ADCY8: variants seen among roughly 807,000 people sequenced by gnomAD.
ADCY8 encodes the protein adenylate cyclase 8.
ADCY8 carries 51 observed loss-of-function variants against 119.7 expected under a neutral mutation model. That is an observed-to-expected ratio of 0.43 (90% CI 0.34 to 0.54). The LOEUF (loss-of-function observed/expected upper bound fraction) is 0.54, where lower values mean the gene tolerates loss of function less well. ADCY8 is among the 20% of genes least tolerant of loss of function. ADCY8 has a pLI of 0.03. For missense variants in ADCY8, 1,383 were observed against 1,598.8 expected, an observed-to-expected ratio of 0.87 and a Z score of 2.30; for synonymous variants, 665 against 651.0, an observed-to-expected ratio of 1.02 and a Z score of -0.33.
At chr8:130,904,865 G>A (rs561411947) in intron 6 of ADCY8, among the ~76,000 whole-genome samples, 2 of 152,234 alleles carry the variant, frequency 1.3e-5, no homozygotes, top group East Asian at 3.9e-4. Flanking sequence ...TTCTGTCCTC[G>A]TAACTGTCTA....
At position 131,029,159 on chromosome 8, in the gene ADCY8, C is replaced by T. The variant is rs541049361; in HGVS notation, c.960+10215G>A. Among the ~76,000 whole-genome samples, 24 of 152,004 alleles carry T rather than the reference C, an allele frequency of 1.6e-4. No individual in the cohort carries two copies. In the South Asian group the frequency reaches 3.3e-3, roughly 21 times the overall value. ...CAAACCCTATTGTGAACTGCACATG[C>T]GCGAGATCTAGACTGCAAGCTCCTT... On this transcript the variant is annotated intron_variant, in intron 1 of 17. Transcript: ENST00000286355.
chr8:130,938,232 T>C (rs563681341), intron 4 of ADCY8, among the ~76,000 whole-genome samples: 4 of 152,244 alleles, frequency 2.6e-5, no homozygotes, highest in South Asian at 2.1e-4. Context: ...GGGATAATCA[T>C]AGGGCCTGTC....
chr8:131,017,379 A>G (rs773377391), intron 1 of ADCY8, among the ~76,000 whole-genome samples: 6 of 152,182 alleles, frequency 3.9e-5, no homozygotes, highest in African/African-American at 7.2e-5. Context: ...TGGAATGTCC[A>G]TGATTCTAAA....
intron 1 of ADCY8, among the ~76,000 whole-genome samples, chr8:130,995,810 G>T (rs1020677243): frequency 6.6e-6 from 1 of 152,106 alleles, no homozygotes; most frequent in Non-Finnish European, 1.5e-5. Context: ...ATCACAAATT[G>T]TAATTATATA....
rs183815255 is a variant in ADCY8, at chr8:130,785,307, G to A, written c.3153+76C>T. The A allele has an allele frequency of 8.1e-5, 79 of 977,778 alleles. No homozygotes were observed. In the African/African-American group the frequency reaches 1.2e-3, roughly 15 times the overall value. The allele number at this position is 977,778 out of a possible 1,614,324, so 60.6% of individuals were successfully genotyped here. A position where few individuals can be genotyped will look rare whatever the true frequency, so the allele number is the denominator to read the frequency against. ...TTTCCCCAAGGATCTTGGTGACAGA[G>A]GCTTCACCACCGTCGGTGACATGAC... On this transcript the variant is annotated intron_variant, in intron 16 of 17. Coordinates refer to ENST00000286355, the MANE Select transcript of ADCY8 (RefSeq NM_001115.3).
intron 1 of ADCY8, among the ~76,000 whole-genome samples, chr8:131,008,488 A>G (rs529763384): frequency 6.6e-6 from 1 of 152,124 alleles, no homozygotes; most frequent in South Asian, 2.1e-4. Flanking sequence ...AGTGCCTTAC[A>G]CTATAATTGT....
chr8:130,965,783 G>A (rs567700461), intron 2 of ADCY8, among the ~76,000 whole-genome samples: 1 of 152,058 alleles, frequency 6.6e-6, no homozygotes, highest in Non-Finnish European at 1.5e-5. Flanking sequence ...TTATGTTTAA[G>A]TTACAAATAA....
rs1817452853 is a variant in ADCY8, at chr8:130,849,693, G to A, written c.2321C>T (p.Thr774Ile). ...ATAGGTCTCATTAATCCAACAGCAAGTTTTCCGGAGGATGAGGGGCAAACA... is the reference window on the plus strand; with the variant it reads ...ATAGGTCTCATTAATCCAACAGCAAATTTTCCGGAGGATGAGGGGCAAACA... ...YKCLPLILRK[T>I]CCWINETYLA... The change falls in exon 10 of 18, where the codon ACT becomes ATT. Residue 774 changes from threonine to isoleucine, a missense_variant. Thr to Ile is a moderately conservative substitution (Grantham distance 89). Around this residue, in one of 2 missense-constraint regions of ADCY8, gnomAD observed 928 missense variants for 1,163.5 expected, o/e 0.80. Coordinates refer to ENST00000286355, the MANE Select transcript of ADCY8 (RefSeq NM_001115.3). 1 of 1,614,046 alleles carries A rather than the reference G, an allele frequency of 6.2e-7. No homozygotes were observed. The highest frequency in any genetic ancestry group is 8.5e-7 in the Non-Finnish European group (1 of 1,179,926).
Position 131,040,303 on chromosome 8 carries a change from CTGTAAG to C in ADCY8, c.25_30del (p.Leu9_Thr10del), listed in dbSNP as rs1455171676. On this transcript the variant is annotated inframe_deletion, in exon 1 of 18. Coordinates refer to ENST00000286355, the MANE Select transcript of ADCY8 (RefSeq NM_001115.3). The stretch of plus-strand genomic sequence containing the variant: ...TGGATGGTGTAGAGTTCCTCGCTGC[CTGTAAG>C]GCAGCGCACATCGGAGAGCTCCATG... 6.5e-7 allele frequency: 1 copy of C among 1,544,644 alleles called. No homozygotes were observed. The highest frequency in any genetic ancestry group is 2.2e-4 in the Middle Eastern group (1 of 4,456).
intron 17 of ADCY8, among the ~76,000 whole-genome samples, chr8:130,782,579 G>A (rs1815119110): frequency 6.6e-6 from 1 of 152,196 alleles, no homozygotes. Context: ...AACATCTTCA[G>A]AATTTACTTA....
At position 130,800,420 on chromosome 8, in the gene ADCY8, A is replaced by G. The variant is rs1815738524; in HGVS notation, c.3060+6T>C. 6.2e-7 allele frequency: 1 copy of G among 1,614,030 alleles called. No homozygotes were observed. Among genetic ancestry groups the G allele is most frequent in the South Asian group, 1.1e-5 (1 of 91,086 alleles). On this transcript the variant is annotated splice_donor_region_variant and intron_variant, in intron 15 of 17. Coordinates refer to ENST00000286355, the MANE Select transcript of ADCY8 (RefSeq NM_001115.3). ...GTGATTGTAAATGTCTCAGGCTTAG[A>G]TTTACCTCATCGAAGTCAGCAATGA...
intron 4 of ADCY8, among the ~76,000 whole-genome samples, chr8:130,938,257 T>A (rs117301478): frequency 0.021 from 3,273 of 152,250 alleles, 74 homozygotes; most frequent in South Asian, 0.079. Context: ...TGTGCCACTA[T>A]GAGGGTTAAG....
intron 14 of ADCY8, among the ~76,000 whole-genome samples, chr8:130,811,659 C>A (rs1301543339): frequency 6.6e-6 from 1 of 152,204 alleles, no homozygotes; most frequent in Non-Finnish European, 1.5e-5. Flanking sequence ...AGCAAGGGAG[C>A]CCACTACTCC....
At chr8:130,830,089 C>T (rs142289552) in intron 12 of ADCY8, among the ~76,000 whole-genome samples, 103 of 152,200 alleles carry the variant, frequency 6.8e-4, no homozygotes, top group African/African-American at 2.2e-3. Context: ...GAGGGAGGAA[C>T]GATACAGGAG....
Position 130,932,520 on chromosome 8 carries a change from A to G in ADCY8, c.1481+4553T>C, listed in dbSNP as rs1191736801. Among the ~76,000 whole-genome samples the G allele has an allele frequency of 3.9e-5, 6 of 152,104 alleles. No homozygotes were observed. In the East Asian group the frequency reaches 1.2e-3, roughly 29 times the overall value. ...CCAAATGGATGGTATATTTTTCTGC[A>G]CTGTGCTGCTTGGGATGGGGGAAGG... On this transcript the variant is annotated intron_variant, in intron 5 of 17. Coordinates refer to ENST00000286355, the MANE Select transcript of ADCY8 (RefSeq NM_001115.3).
chr8:130,877,739 T>C (rs1309310391), intron 8 of ADCY8, among the ~76,000 whole-genome samples: 1 of 152,140 alleles, frequency 6.6e-6, no homozygotes, highest in East Asian at 1.9e-4. Flanking sequence ...AATAATCAAA[T>C]CATTTAGAGA....
intron 11 of ADCY8, among the ~76,000 whole-genome samples, chr8:130,837,119 T>A (rs1416110571): frequency 6.6e-6 from 1 of 152,120 alleles, no homozygotes; most frequent in Non-Finnish European, 1.5e-5. Flanking sequence ...CTAGAATAGC[T>A]TTTTGGCAGC....
intron 1 of ADCY8, among the ~76,000 whole-genome samples, chr8:131,038,342 C>A (rs1314165157): frequency 6.6e-6 from 1 of 152,168 alleles, no homozygotes; most frequent in Non-Finnish European, 1.5e-5. Flanking sequence ...CCTGACCATG[C>A]ATCTCACACC....
intron 1 of ADCY8, among the ~76,000 whole-genome samples, chr8:131,025,674 G>T (rs1210606823): frequency 6.6e-6 from 1 of 152,164 alleles, no homozygotes; most frequent in Non-Finnish European, 1.5e-5. Context: ...CCTCATCTCA[G>T]GTCTAGTCAG....
Sources: gnomAD v4.1 joint callset for allele counts (sites outside exome capture counted in the v4.1 genomes callset) on GRCh38, gnomAD v4.1.1 for gene constraint, gnomAD v4.1.1 regional missense constraint, MANE v1.5 for transcripts, NCBI Gene and HGNC (gene_info 2026-07-23, HGNC 2026-07-21) for gene names.